FAAH2: variants seen among roughly 807,000 people sequenced by gnomAD.
The protein encoded by FAAH2 is fatty-acid amide hydrolase 2.
Under a neutral mutation model 36.9 loss-of-function variants are expected in FAAH2, and 60 were observed. That is an observed-to-expected ratio of 1.63 (90% CI 1.32 to 2.02). The LOEUF (loss-of-function observed/expected upper bound fraction) is 2.02, where lower values mean the gene tolerates loss of function less well. Among genes scored for constraint, FAAH2 ranks in the 30% most tolerant of loss-of-function variants. The pLI, the probability that FAAH2 is intolerant of heterozygous loss-of-function variation, is 0.00. For synonymous variants in FAAH2, 214 were observed against 143.8 expected, an observed-to-expected ratio of 1.49 and a Z score of -3.49; for missense variants, 689 against 397.5, an observed-to-expected ratio of 1.73 and a Z score of -6.23.
the FAAH2 span, among the ~76,000 whole-genome samples, chrX:57,192,351 G>A: frequency 0.072 from 7,942 of 109,949 alleles, 695 homozygotes; most frequent in African/African-American, 0.25. Flanking sequence ...TTTTTTTTGT[G>A]GCATCTTTAA....
rs766432181 is a variant in FAAH2 at position 57,431,991 on chromosome X, T to C, written c.1070T>C (p.Phe357Ser). Reference protein sequence around the residue: ...HVKLKKMKYSFQLWIAMMSAK... With the variant: ...HVKLKKMKYSSQLWIAMMSAK... ...AAACTGAAGAAAATGAAGTACTCTT[T>C]TCAGTTGTGGATCGCAATGATGTCA... is the stretch of plus-strand genomic sequence containing the variant. The change falls in exon 8 of 11, where the codon TTT becomes TCT. Residue 357 changes from phenylalanine (F) to serine (S), a missense_variant. By Grantham distance (155) the Phe-to-Ser change is radical. Coordinates refer to ENST00000374900, the MANE Select transcript of FAAH2 (RefSeq NM_174912.4). 1 of 1,207,898 alleles carries C rather than the reference T, an allele frequency of 8.3e-7. No individual in the cohort carries two copies. The highest frequency in any genetic ancestry group is 1.8e-5 in the South Asian group (1 of 56,667).
chrX:57,432,025 A>G lies in FAAH2; in HGVS notation c.1104A>G (p.Gly368=), dbSNP rs1412235797. The G allele has an allele frequency of 8.4e-7, 1 of 1,195,856 alleles. No individual in the cohort carries two copies. The highest frequency in any genetic ancestry group is 1.8e-5 in the African/African-American group (1 of 56,421). The change falls in exon 8 of 11, where the codon GGA becomes GGG. Residue 368 remains glycine, a synonymous_variant. Transcript: ENST00000374900. The part of the protein sequence containing the change: ...QLWIAMMSAK[G]HDGKEPVKFV... Reference sequence around the variant, plus strand: ...GGATCGCAATGATGTCAGCAAAGGGACATGATGGGAAGGTATTTTTACCTC... The same window carrying G: ...GGATCGCAATGATGTCAGCAAAGGGGCATGATGGGAAGGTATTTTTACCTC...
Position 57,347,604 on chromosome X carries a change from GTTTTTTTTTTTTTT to G in FAAH2, c.742+6234_742+6247del, listed in dbSNP as rs61323098. ...TTATTTGGAGGTAAGGGGATGCTAAGTTTTTTTTTTTTTTTTTTTTTTTTTTTTTTTTTGCTGTT... is the reference window on the plus strand; with the variant it reads ...TTATTTGGAGGTAAGGGGATGCTAAGTTTTTTTTTTTTTTTTTTTGCTGTT... On this transcript the variant is annotated intron_variant, in intron 5 of 10. Coordinates refer to ENST00000374900, the MANE Select transcript of FAAH2 (RefSeq NM_174912.4). Among the ~76,000 whole-genome samples the G allele has an allele frequency of 1.9e-3, 145 of 77,888 alleles. 4 individuals are homozygous for G. The highest frequency in any genetic ancestry group is 8.3e-3 in the African/African-American group (128 of 15,368). The allele number at this position is 77,888 out of a possible 115,157, so 67.6% of individuals were successfully genotyped here.
the FAAH2 span, among the ~76,000 whole-genome samples, chrX:57,165,787 G>T: frequency 9.0e-6 from 1 of 111,381 alleles, no homozygotes; most frequent in African/African-American, 3.3e-5. Context: ...GGGGCACAGA[G>T]AAGGGCTGGG....
At chrX:57,405,887 C>T (rs1204347803) in intron 7 of FAAH2, among the ~76,000 whole-genome samples, 1 of 106,750 alleles carries the variant, frequency 9.4e-6, no homozygotes, top group African/African-American at 3.4e-5. Context: ...TTTCAACTTT[C>T]TCTTGAATCT....
At chrX:57,301,551 A>G (rs189922538) in intron 2 of FAAH2, among the ~76,000 whole-genome samples, 8,534 of 107,656 alleles carry the variant, frequency 0.079, 884 homozygotes, top group African/African-American at 0.27. Flanking sequence ...AACATGGCGC[A>G]TGTATACATA....
the FAAH2 span, among the ~76,000 whole-genome samples, chrX:57,209,601 G>A: frequency 2.7e-5 from 3 of 111,389 alleles, no homozygotes; most frequent in Non-Finnish European, 5.7e-5. Flanking sequence ...TCAGACAGTG[G>A]GAATGAGTCT....
At chrX:57,448,368 G>A (rs1262032572) in intron 9 of FAAH2, among the ~76,000 whole-genome samples, 156 bp from the exon 10 acceptor site, 1 of 112,194 alleles carries the variant, frequency 8.9e-6, no homozygotes, top group Admixed American at 9.4e-5. Context: ...CAAACTAGAA[G>A]GAGTTAAAAG....
chrX:57,418,282 A>G (rs780903322), intron 7 of FAAH2, among the ~76,000 whole-genome samples: 2 of 111,755 alleles, frequency 1.8e-5, no homozygotes, highest in South Asian at 3.8e-4. Flanking sequence ...GCTTTGAGAA[A>G]AAACTCCTGC....
At chrX:57,393,830 C>A in intron 7 of FAAH2, 1 of 873,734 alleles carries the variant, frequency 1.1e-6, no homozygotes, top group Non-Finnish European at 1.7e-6. Context: ...CCTCAGGAAT[C>A]TATCATTGGT....
chrX:57,165,523 C>T, the FAAH2 span, among the ~76,000 whole-genome samples: 2 of 108,156 alleles, frequency 1.8e-5, no homozygotes, highest in East Asian at 2.9e-4. Context: ...GGGAATATCA[C>T]ACTCTGGGGA....
intron 3 of FAAH2, among the ~76,000 whole-genome samples, chrX:57,330,714 T>C (rs1000560689): frequency 9.0e-6 from 1 of 111,619 alleles, no homozygotes; most frequent in African/African-American, 3.3e-5. Context: ...GCTTTAAAAT[T>C]TCTTTCTTTT....
the FAAH2 span, among the ~76,000 whole-genome samples, chrX:57,185,684 T>G: frequency 9.1e-6 from 1 of 110,311 alleles, no homozygotes; most frequent in Non-Finnish European, 1.9e-5. Context: ...CATTAGGTAT[T>G]TGTCCTAATG....
At chrX:57,142,284 A>T in the FAAH2 span, among the ~76,000 whole-genome samples, 1 of 111,410 alleles carries the variant, frequency 9.0e-6, no homozygotes, top group Admixed American at 9.5e-5. Flanking sequence ...TGTGTTCTGT[A>T]GGTTTTGGTA....
chrX:57,416,859 A>G (rs1399125943), intron 7 of FAAH2, among the ~76,000 whole-genome samples: 2 of 112,237 alleles, frequency 1.8e-5, no homozygotes, highest in Non-Finnish European at 3.8e-5. Flanking sequence ...ACTTTCTGGT[A>G]CACCAATCAA....
intron 7 of FAAH2, among the ~76,000 whole-genome samples, chrX:57,420,158 C>T (rs1480576812): frequency 9.0e-6 from 1 of 111,629 alleles, no homozygotes; most frequent in Non-Finnish European, 1.9e-5. Flanking sequence ...AGCATGATGC[C>T]TCCAGCTTTG....
intron 2 of FAAH2, among the ~76,000 whole-genome samples, chrX:57,299,742 T>A (rs1307161293): frequency 1.7e-4 from 19 of 111,821 alleles, no homozygotes; most frequent in African/African-American, 6.2e-4. Context: ...TAAGCTAATA[T>A]GCAACTTCAG....
chrX:57,306,014 T>A (rs1365621767), intron 2 of FAAH2, among the ~76,000 whole-genome samples: 3 of 112,219 alleles, frequency 2.7e-5, no homozygotes, highest in African/African-American at 9.7e-5. Context: ...ACTAGCAGTC[T>A]TAGGCATGTG....
At chrX:57,248,320 C>A in the FAAH2 span, among the ~76,000 whole-genome samples, 1 of 111,766 alleles carries the variant, frequency 8.9e-6, no homozygotes, top group South Asian at 3.7e-4. Context: ...TCATCTGAAC[C>A]TATAGAGATA....
Sources: gnomAD v4.1 joint callset for allele counts (sites outside exome capture counted in the v4.1 genomes callset) on GRCh38, gnomAD v4.1.1 for gene constraint, MANE v1.5 for transcripts, NCBI Gene and HGNC (gene_info 2026-07-23, HGNC 2026-07-21) for gene names.